TPRN: variants seen among roughly 807,000 people sequenced by gnomAD.
TPRN encodes the protein taperin, also known as chromosome 9 open reading frame 75.
TPRN carries 32 observed loss-of-function variants against 42.6 expected under a neutral mutation model. The observed-to-expected ratio is 0.75, with a 90% CI of 0.57 to 1.01. The LOEUF (loss-of-function observed/expected upper bound fraction) is 1.01, where lower values mean the gene tolerates loss of function less well. TPRN is among the 50% of genes least tolerant of loss of function. TPRN has a pLI of 0.00. For synonymous variants in TPRN, 541 were observed against 445.6 expected (o/e 1.21, Z -2.70); for missense variants, 1,095 against 957.5 (o/e 1.14, Z -1.90).
chr9:137,199,375 C>G lies in TPRN; in HGVS notation c.1337G>C (p.Arg446Pro), dbSNP rs375074046. Residue 446 changes from arginine to proline, a missense_variant, in exon 1 of 4, where the codon CGG (arginine) becomes CCG (proline). Physicochemically the swap from Arg to Pro is moderately radical, Grantham distance 103. Coordinates refer to ENST00000409012, the MANE Select transcript of TPRN (RefSeq NM_001128228.3). ...LRVPGLAKNS[R>P]EYVRPGLPVT... is the part of the protein sequence containing the mutation. ...AGGCAGCCCCGGCCTCACATATTCC[C>G]GGCTATTCTTGGCCAAGCCAGGAAC... 4 of 1,612,696 alleles carry G rather than the reference C, an allele frequency of 2.5e-6. No individual in the cohort carries two copies. In the African/African-American group the frequency reaches 4.0e-5, roughly 16 times the overall value.
rs1834745148 is a variant in TPRN, at chr9:137,198,894, A to T, written c.1725+93T>A. 3 of 1,596,122 alleles carry T rather than the reference A, an allele frequency of 1.9e-6. No homozygotes were observed. In the African/African-American group the frequency reaches 4.0e-5, roughly 21 times the overall value. ...GTAGAAACCATCCTTTGCCCAGGCCAAGCGTCCTGGGATCAGGGCAGGTGC... is the reference window on the plus strand; with the variant it reads ...GTAGAAACCATCCTTTGCCCAGGCCTAGCGTCCTGGGATCAGGGCAGGTGC... On this transcript the variant is annotated intron_variant, in intron 1 of 3. Coordinates refer to ENST00000409012, the MANE Select transcript of TPRN (RefSeq NM_001128228.3).
At chr9:137,196,398 C>T (rs1156952098) in intron 1 of TPRN, among the ~76,000 whole-genome samples, 1 of 152,164 alleles carries the variant, frequency 6.6e-6, no homozygotes, top group African/African-American at 2.4e-5. Context: ...ACCAACCTGG[C>T]CAATATGGTA....
chr9:137,192,109 G>A lies in TPRN; in HGVS notation c.*3C>T, dbSNP rs1834627555. The A allele has an allele frequency of 6.2e-7, 1 of 1,612,644 alleles. No homozygotes were observed. Among genetic ancestry groups the A allele is most frequent in the African/African-American group, 1.3e-5 (1 of 74,938 alleles). Reference sequence around the variant, plus strand: ...CTCAGCCTTGGTCCTGGCAGTGCTGGGCTCAGAAATACAGGGCTGGCTCGC... The same window carrying A: ...CTCAGCCTTGGTCCTGGCAGTGCTGAGCTCAGAAATACAGGGCTGGCTCGC... On this transcript the variant is annotated 3_prime_UTR_variant, in exon 4 of 4. Transcript: ENST00000409012.
chr9:137,200,368 G>GC lies in TPRN; in HGVS notation c.343dup (p.Ala115GlyfsTer115). 7 of 1,071,988 alleles carry GC rather than the reference G, an allele frequency of 6.5e-6. No individual in the cohort carries two copies. Among genetic ancestry groups the GC allele is most frequent in the South Asian group, 6.5e-5 (2 of 30,848 alleles). The allele number at this position is 1,071,988 out of a possible 1,614,324, so 66.4% of individuals were successfully genotyped here. ...CACCTCGGCGGCGCGGATCTGCGCG[G>GC]CCCCCGGGGCGGGCGGCGCGGGCGG... On this transcript the variant is annotated frameshift_variant, in exon 1 of 4. Transcript: ENST00000409012. LOFTEE classifies it high-confidence loss of function. The surrounding 1 kb of genome is among the most constrained non-coding windows in gnomAD (Gnocchi z 4.3).
rs1834618530 is a variant in TPRN, at chr9:137,191,676, C to T, written c.*436G>A. The stretch of plus-strand genomic sequence containing the variant: ...CAGAGGCAGGAAAGACGCCACTCAT[C>T]ACAGAGGGCATGTGGGCTGCGGGCA... On this transcript the variant is annotated 3_prime_UTR_variant, in exon 4 of 4. Transcript: ENST00000409012. 1 of 329,260 alleles carries T rather than the reference C, an allele frequency of 3.0e-6. No individual in the cohort carries two copies. Among genetic ancestry groups the T allele is most frequent in the South Asian group, 2.6e-5 (1 of 38,490 alleles). 20.4% of individuals were successfully genotyped at this position (329,260 alleles called of 1,614,324 possible).
chr9:137,200,664 G>C lies in TPRN; in HGVS notation c.48C>G (p.Pro16=). 1 of 1,235,812 alleles carries C rather than the reference G, an allele frequency of 8.1e-7. No individual in the cohort carries two copies. Among genetic ancestry groups the C allele is most frequent in the Non-Finnish European group, 1.0e-6 (1 of 978,664 alleles). The allele number at this position is 1,235,812 out of a possible 1,614,324, so 76.6% of individuals were successfully genotyped here. ...GCTCCAGGATCTCACGCTTCCAAGC[G>C]GGCACCGCAGCGCGCGGCCCCGAGC... ...RPGSGPRAAV[P]AWKREILERK... Residue 16 remains proline, a synonymous_variant, in exon 1 of 4, where the codon CCC becomes CCG. Coordinates refer to ENST00000409012, the MANE Select transcript of TPRN (RefSeq NM_001128228.3). The surrounding 1 kb of genome is among the most constrained non-coding windows in gnomAD (Gnocchi z 4.3).
rs58752514 is a variant in TPRN at position 137,193,244 on chromosome 9, G to C, written c.1726-553C>G. ...CAGCAGAGCATGGACCCCCCACTGTGAACAGGGGCCTCTGTGAGCCGTCAA... is the reference window on the plus strand; with the variant it reads ...CAGCAGAGCATGGACCCCCCACTGTCAACAGGGGCCTCTGTGAGCCGTCAA... On this transcript the variant is annotated intron_variant, in intron 1 of 3. Coordinates refer to ENST00000409012, the MANE Select transcript of TPRN (RefSeq NM_001128228.3). 1,059 of 161,106 alleles carry C rather than the reference G, an allele frequency of 6.6e-3. 4 individuals are homozygous for C. Among genetic ancestry groups the C allele is most frequent in the South Asian group, 0.017 (97 of 5,834 alleles). 10.0% of individuals were successfully genotyped at this position (161,106 alleles called of 1,614,324 possible). A position where few individuals can be genotyped will look rare whatever the true frequency, so the allele number is the denominator to read the frequency against.
Position 137,192,572 on chromosome 9 carries a change from T to G in TPRN, c.1845A>C (p.Glu615Asp). The G allele has an allele frequency of 6.2e-7, 1 of 1,608,362 alleles. No individual in the cohort carries two copies. Among genetic ancestry groups the G allele is most frequent in the Non-Finnish European group, 8.5e-7 (1 of 1,177,220 alleles). The change falls in exon 2 of 4, where the codon GAA (glutamate) becomes GAC (aspartate). Residue 615 changes from glutamate to aspartate, a missense_variant. Physicochemically the swap from Glu to Asp is conservative, Grantham distance 45. Coordinates refer to ENST00000409012, the MANE Select transcript of TPRN (RefSeq NM_001128228.3). Reference sequence around the variant, plus strand: ...CGGATCCCTCTTCCTCCTCTTCCTCTTCCTCCTCCTCCTCCTCCTCCTCCT... The same window carrying G: ...CGGATCCCTCTTCCTCCTCTTCCTCGTCCTCCTCCTCCTCCTCCTCCTCCT... ...QQEEEEEEEE[E>D]EEEEEEGSGS...
intron 1 of TPRN, 131 bp from the exon 2 acceptor site, chr9:137,192,822 G>C (rs1223314245): frequency 2.1e-6 from 2 of 964,918 alleles, no homozygotes; most frequent in Admixed American, 2.0e-5. Flanking sequence ...CCGTTCCGGG[G>C]GCTCCAGGAG....
chr9:137,200,234 G>A lies in TPRN; in HGVS notation c.478C>T (p.Pro160Ser). 1.0e-6 allele frequency: 1 copy of A among 970,850 alleles called. No individual in the cohort carries two copies. The highest frequency in any genetic ancestry group is 1.8e-5 in the African/African-American group (1 of 55,656). 60.1% of individuals were successfully genotyped at this position (970,850 alleles called of 1,614,324 possible). ...CGGGGCGGCGCGGGCGGCGGCGGCG[G>A]CGGCGGGGGGCGGGCGCGCTCGGGG... ...GSPERARPPP[P>S]PPPPAPPRPP... The change falls in exon 1 of 4, where the codon CCG becomes TCG. Residue 160 changes from proline (P) to serine (S), a missense_variant. Coordinates refer to ENST00000409012, the MANE Select transcript of TPRN (RefSeq NM_001128228.3). This position sits in a 1 kb window ranked among gnomAD's most constrained non-coding sequence, Gnocchi z 4.3.
Position 137,199,461 on chromosome 9 carries a change from G to T in TPRN, c.1251C>A (p.Ser417=). ...ADRAIRWQRP[S]SPPPFLPAAS... ...CAGCCGGCAGGAAGGGGGGCGGTGA[G>T]GACGGCCTCTGCCACCTAATAGCCC... The change falls in exon 1 of 4, where the codon TCC becomes TCA. Residue 417 remains serine (S), a synonymous_variant. Transcript: ENST00000409012. 4 of 1,603,350 alleles carry T rather than the reference G, an allele frequency of 2.5e-6. No individual in the cohort carries two copies. Among genetic ancestry groups the T allele is most frequent in the Non-Finnish European group, 3.4e-6 (4 of 1,175,658 alleles).
rs777759317 is a variant in TPRN at position 137,192,142 on chromosome 9, G to A, written c.2106C>T (p.Asp702=). The part of the protein sequence containing the change: ...LTPASQNDLS[D]FRSEPALYF ...AATACAGGGCTGGCTCGCTGCGGAA[G>A]TCCGAGAGGTCATTCTGACTGGCGG... The change falls in exon 4 of 4, where the codon GAC becomes GAT. Residue 702 remains aspartate (D), a synonymous_variant. Transcript: ENST00000409012. 8.7e-6 allele frequency: 14 copies of A among 1,613,572 alleles called. No homozygotes were observed. The highest frequency in any genetic ancestry group is 1.3e-5 in the African/African-American group (1 of 74,940).
At chr9:137,197,194 G>T (rs1042785312) in intron 1 of TPRN, among the ~76,000 whole-genome samples, 3 of 152,204 alleles carry the variant, frequency 2.0e-5, no homozygotes, top group African/African-American at 4.8e-5. Flanking sequence ...CGCCTCCCGG[G>T]TTCAAGCAAT....
In TPRN at chr9:137,198,867, A is replaced by G; in HGVS notation, c.1725+120T>C. On this transcript the variant is annotated intron_variant, in intron 1 of 3. Coordinates refer to ENST00000409012, the MANE Select transcript of TPRN (RefSeq NM_001128228.3). ...CCCAGCCCCAGCTCGCCTCAAGTCC[A>G]TGTAGAAACCATCCTTTGCCCAGGC... 7.6e-6 allele frequency: 12 copies of G among 1,579,470 alleles called. No homozygotes were observed. The South Asian group carries it at 9.0e-5, about 12-fold the overall frequency.
chr9:137,199,682 G>A lies in TPRN; in HGVS notation c.1030C>T (p.Pro344Ser). 6 of 1,603,546 alleles carry A rather than the reference G, an allele frequency of 3.7e-6. No individual in the cohort carries two copies. The highest frequency in any genetic ancestry group is 1.1e-5 in the South Asian group (1 of 89,438). ...IPKSKASGAP[P>S]PEGRQSVELP... ...TCCACGGACTGCCTCCCCTCAGGAGGAGGAGCCCCGGAGGCCTTGCTCTTG... is the reference window on the plus strand; with the variant it reads ...TCCACGGACTGCCTCCCCTCAGGAGAAGGAGCCCCGGAGGCCTTGCTCTTG... The change falls in exon 1 of 4, where the codon CCT becomes TCT. Residue 344 changes from proline to serine, a missense_variant. By Grantham distance (74) the Pro-to-Ser change is moderately conservative. Transcript: ENST00000409012.
At chr9:137,196,275 G>A (rs928934340) in intron 1 of TPRN, among the ~76,000 whole-genome samples, 3 of 152,212 alleles carry the variant, frequency 2.0e-5, no homozygotes, top group African/African-American at 7.2e-5. Context: ...ACGCCCGGGG[G>A]TCACAGCCAG....
At chr9:137,194,893 C>T (rs910756393) in intron 1 of TPRN, 3 of 152,282 alleles carry the variant, frequency 2.0e-5, no homozygotes, top group Non-Finnish European at 4.4e-5. Context: ...CTGGCCGCAG[C>T]CTATCAGGGA....
At chr9:137,198,552 T>C (rs1320225347) in intron 1 of TPRN, among the ~76,000 whole-genome samples, 1 of 152,236 alleles carries the variant, frequency 6.6e-6, no homozygotes, top group East Asian at 1.9e-4. Flanking sequence ...TTCCCATTCA[T>C]AGCGTGGCGC....
intron 1 of TPRN, chr9:137,192,986 G>C (rs1426786935): frequency 2.1e-6 from 1 of 471,368 alleles, no homozygotes; most frequent in South Asian, 2.4e-5. Flanking sequence ...CCAGCTCCTG[G>C]AGCTACCATC....
Sources: allele counts gnomAD v4.1 joint callset (sites outside exome capture counted in the v4.1 genomes callset), GRCh38; gene constraint gnomAD v4.1.1; non-coding constraint Gnocchi (gnomAD v3.1); transcripts MANE v1.5; gene names NCBI Gene and HGNC (gene_info 2026-07-23, HGNC 2026-07-21).